The following CPLANE1 variants were observed in gnomAD, a reference collection of about 807,000 sequenced individuals.
CPLANE1 encodes ciliogenesis and planar polarity effector 1.
A neutral mutation model predicts 362.5 loss-of-function variants in CPLANE1; 263 were observed. That is an observed-to-expected ratio of 0.73 (90% CI 0.66 to 0.80). The LOEUF is 0.80. CPLANE1 is among the 30% of genes least tolerant of loss of function. The probability of loss-of-function intolerance (pLI) is 0.00; values close to 1 mark genes in which losing one functional copy is unlikely to be tolerated. For missense variants in CPLANE1, 3,461 were observed against 3,793.4 expected, an observed-to-expected ratio of 0.91 and a Z score of 2.30; for synonymous variants, 1,212 against 1,302.6, an observed-to-expected ratio of 0.93 and a Z score of 1.50.
intron 46 of CPLANE1, among the ~76,000 whole-genome samples, chr5:37,131,574 A>G (rs574681579): frequency 6.6e-6 from 1 of 151,966 alleles, no homozygotes; most frequent in South Asian, 2.1e-4. Flanking sequence ...CTAGTCGCCC[A>G]GGCTGGAGTG....
intron 4 of CPLANE1, among the ~76,000 whole-genome samples, chr5:37,245,069 G>A (rs1009607089): frequency 1.3e-5 from 2 of 151,558 alleles, no homozygotes; most frequent in African/African-American, 2.4e-5. Context: ...GGAGAATGGC[G>A]TGGACCCCGG....
At chr5:37,173,663 T>C (rs1780400243) in intron 32 of CPLANE1, 92 bp downstream of exon 32, 1 of 1,081,438 alleles carries the variant, frequency 9.2e-7, no homozygotes, top group Non-Finnish European at 1.3e-6. Context: ...GATATAATTT[T>C]ACCTTGTCAA....
chr5:37,168,149 CAA>C (rs1778801638), intron 34 of CPLANE1, among the ~76,000 whole-genome samples: 1 of 152,158 alleles, frequency 6.6e-6, no homozygotes, highest in Non-Finnish European at 1.5e-5. Context: ...TTTCATAAAT[CAA>C]AAGTTATACC....
At chr5:37,113,978 A>C (rs540796082) in intron 51 of CPLANE1, among the ~76,000 whole-genome samples, 1 of 152,160 alleles carries the variant, frequency 6.6e-6, no homozygotes, top group East Asian at 1.9e-4. Context: ...ACGCCCAGCT[A>C]ATTTTTGTAT....
chr5:37,222,683 G>T (rs528304288), intron 14 of CPLANE1, among the ~76,000 whole-genome samples: 1 of 152,294 alleles, frequency 6.6e-6, no homozygotes, highest in East Asian at 1.9e-4. Context: ...CTCAGTGAAT[G>T]CTGCTCTTTT....
chr5:37,244,286 G>T, intron 5 of CPLANE1, 89 bp downstream of exon 5: 1 of 720,358 alleles, frequency 1.4e-6, no homozygotes, highest in South Asian at 4.4e-5. Context: ...CAATTACTAT[G>T]AAAATTTATG....
At chr5:37,138,358 C>A (rs553785768) in intron 46 of CPLANE1, among the ~76,000 whole-genome samples, 41 of 152,148 alleles carry the variant, frequency 2.7e-4, no homozygotes, top group Middle Eastern at 3.4e-3. Context: ...AACAGCAGCC[C>A]CTGATCCTTT....
chr5:37,136,777 TACACCTTCTGAAGCCAC>T (rs1767834778), intron 46 of CPLANE1, among the ~76,000 whole-genome samples: 1 of 152,236 alleles, frequency 6.6e-6, no homozygotes, highest in Admixed American at 6.5e-5. Flanking sequence ...GCTTAGGGCT[TACACCTTCTGAAGCCAC>T]AGCCCAAGCT....
At chr5:37,163,070 C>T (rs1202828434) in intron 37 of CPLANE1, among the ~76,000 whole-genome samples, 1 of 152,164 alleles carries the variant, frequency 6.6e-6, no homozygotes, top group African/African-American at 2.4e-5. Flanking sequence ...CTCTGCACGT[C>T]CAGCTTAGAA....
chr5:37,211,957 A>G (rs984657857), intron 16 of CPLANE1: 8 of 851,178 alleles, frequency 9.4e-6, no homozygotes, highest in Non-Finnish European at 1.7e-5. Context: ...CTCTCATATC[A>G]GCACCCAAGT....
chr5:37,165,687 G>A lies in CPLANE1; in HGVS notation c.7401-16C>T. 6.3e-7 allele frequency: 1 copy of A among 1,586,234 alleles called. No homozygotes were observed. Among genetic ancestry groups the A allele is most frequent in the East Asian group, 2.3e-5 (1 of 44,176 alleles). ...TCTTCTTTGCCTGTTAAACATAATAGCATAAAACATACTTTTACAACTATA... is the reference window on the plus strand; with the variant it reads ...TCTTCTTTGCCTGTTAAACATAATAACATAAAACATACTTTTACAACTATA... On this transcript the variant is annotated splice_polypyrimidine_tract_variant and intron_variant, in intron 35 of 52. Coordinates refer to ENST00000651892, the MANE Select transcript of CPLANE1 (RefSeq NM_001384732.1).
chr5:37,176,213 G>C (rs775143059), intron 30 of CPLANE1: 1 of 385,614 alleles, frequency 2.6e-6, no homozygotes, highest in African/African-American at 2.1e-5. Flanking sequence ...ACTTAAATAC[G>C]GCTGACTGCT....
rs1762712793 is a variant in CPLANE1 at position 37,121,790 on chromosome 5, G to C, written c.9018-6C>G. ...AGTGTTCAGAGAGCAGCAATCTGTA[G>C]ACAAAGAATTAAGCATCATTTATTA... On this transcript the variant is annotated splice_polypyrimidine_tract_variant and splice_region_variant and intron_variant, in intron 48 of 52. Transcript: ENST00000651892. The C allele has an allele frequency of 6.2e-7, 1 of 1,610,352 alleles. No homozygotes were observed. The highest frequency in any genetic ancestry group is 1.3e-5 in the African/African-American group (1 of 74,794).
the CPLANE1 span, among the ~76,000 whole-genome samples, chr5:37,076,745 T>TTTTA: frequency 6.6e-6 from 1 of 151,584 alleles, no homozygotes; most frequent in African/African-American, 2.4e-5. Context: ...AAACCATTTC[T>TTTTA]TTTATTTCTT....
intron 19 of CPLANE1, among the ~76,000 whole-genome samples, chr5:37,199,767 C>T (rs568891636): frequency 6.6e-6 from 1 of 152,334 alleles, no homozygotes; most frequent in South Asian, 2.1e-4. Context: ...CTGCCCATCT[C>T]CTACATGGCT....
Position 37,167,105 on chromosome 5 carries a change from G to A in CPLANE1, c.7342C>T (p.Leu2448Phe), listed in dbSNP as rs2150897249. 1.2e-6 allele frequency: 2 copies of A among 1,613,116 alleles called. No individual in the cohort carries two copies. Among genetic ancestry groups the A allele is most frequent in the East Asian group, 4.5e-5 (2 of 44,800 alleles). Reference sequence around the variant, plus strand: ...GGTGGTTCTATTTTGACCTTTAGAAGTTGAAGGTGTCCAGCATCACCTTGT... The same window carrying A: ...GGTGGTTCTATTTTGACCTTTAGAAATTGAAGGTGTCCAGCATCACCTTGT... Reference protein sequence around the residue: ...FEQGDAGHLQLLKVKIEPPEV... With the variant: ...FEQGDAGHLQFLKVKIEPPEV... The change falls in exon 35 of 53, where the codon CTT becomes TTT. Residue 2448 changes from leucine to phenylalanine, a missense_variant. By Grantham distance (22) the Leu-to-Phe change is conservative. This residue lies in a region of CPLANE1 where 3,380 missense variants were observed against 3,666.1 expected (regional missense o/e 0.92). Transcript: ENST00000651892.
Position 37,173,951 on chromosome 5 carries a change from CGTGGAAAG to C in CPLANE1, c.5979-12_5979-5del. ...TTTATATGTAGAAATCTGTGCACTG[CGTGGAAAG>C]CATTTAAATAAAAAACATGCATTAA... On this transcript the variant is annotated splice_polypyrimidine_tract_variant and splice_region_variant and intron_variant, in intron 31 of 52. Coordinates refer to ENST00000651892, the MANE Select transcript of CPLANE1 (RefSeq NM_001384732.1). 6.2e-7 allele frequency: 1 copy of C among 1,602,882 alleles called. No homozygotes were observed. The highest frequency in any genetic ancestry group is 1.1e-5 in the South Asian group (1 of 89,852).
intron 49 of CPLANE1, 147 bp downstream of exon 49, chr5:37,121,470 T>A: frequency 1.4e-6 from 1 of 716,144 alleles, no homozygotes; most frequent in Non-Finnish European, 2.3e-6. Flanking sequence ...AAAGACCTCA[T>A]GATTATGAGG....
At chr5:37,190,431 A>T (rs1180707941) in intron 21 of CPLANE1, among the ~76,000 whole-genome samples, 1 of 151,552 alleles carries the variant, frequency 6.6e-6, no homozygotes, top group Non-Finnish European at 1.5e-5. Flanking sequence ...AAAACAAAAA[A>T]ACCAGGCCTG....
Sources: gnomAD v4.1 joint callset for allele counts (sites outside exome capture counted in the v4.1 genomes callset) on GRCh38, gnomAD v4.1.1 for gene constraint, gnomAD v4.1.1 regional missense constraint, MANE v1.5 for transcripts, NCBI Gene and HGNC (gene_info 2026-07-23, HGNC 2026-07-21) for gene names.